CEP192: variants seen among roughly 807,000 people sequenced by gnomAD.
CEP192 encodes the protein centrosomal protein 192, also known as centrosomal protein of 192 kDa.
Under a neutral mutation model 271.8 loss-of-function variants are expected in CEP192, and 151 were observed. The observed-to-expected ratio is 0.56, with a 90% confidence interval of 0.49 to 0.64. CEP192 has a LOEUF of 0.64. CEP192 is among the 30% of genes least tolerant of loss of function. The pLI is 0.00. For synonymous variants in CEP192, 995 were observed against 1,076.5 expected (o/e 0.92, Z 1.48); for missense variants, 2,910 against 3,020.5 (o/e 0.96, Z 0.86).
chr18:13,071,321 A>G (rs557813088), intron 28 of CEP192, 109 bp downstream of exon 28: 13 of 905,282 alleles, frequency 1.4e-5, no homozygotes, highest in Non-Finnish European at 2.2e-5. Flanking sequence ...CTTCAGGCTC[A>G]ATTGTGCAGA....
intron 21 of CEP192, among the ~76,000 whole-genome samples, chr18:13,065,789 C>T (rs1206268279): frequency 6.6e-6 from 1 of 152,136 alleles, no homozygotes; most frequent in Non-Finnish European, 1.5e-5. Flanking sequence ...ATATAACATC[C>T]AAAACATGAG....
intron 21 of CEP192, among the ~76,000 whole-genome samples, chr18:13,059,866 G>A: frequency 6.6e-6 from 1 of 152,064 alleles, no homozygotes; most frequent in Non-Finnish European, 1.5e-5. Context: ...GGGAGGGTGT[G>A]GCTGCCTCTC....
intron 9 of CEP192, among the ~76,000 whole-genome samples, chr18:13,023,098 G>A (rs1488915911): frequency 1.3e-5 from 2 of 152,092 alleles, no homozygotes; most frequent in African/African-American, 4.8e-5. Flanking sequence ...TTTCTGCATA[G>A]ATAATCATGT....
At position 13,071,134 on chromosome 18, in the gene CEP192, G is replaced by A. The variant is rs2037989695; in HGVS notation, c.5270G>A (p.Gly1757Glu). 1.2e-6 allele frequency: 2 copies of A among 1,614,000 alleles called. No individual in the cohort carries two copies. The highest frequency in any genetic ancestry group is 2.2e-5 in the South Asian group (2 of 91,084). The change falls in exon 28 of 45, where the codon GGA becomes GAA. Residue 1757 changes from glycine to glutamate, a missense_variant. Physicochemically the swap from Gly to Glu is moderately conservative, Grantham distance 98. Coordinates refer to ENST00000506447, the MANE Select transcript of CEP192 (RefSeq NM_032142.4). The stretch of plus-strand genomic sequence containing the variant: ...TCAGGAAGTAAACCTCTGTCACCTG[G>A]ACCTTGCTTAGATATTCCATCGATT... ...ISSGSKPLSP[G>E]PCLDIPSILS...
intron 27 of CEP192, among the ~76,000 whole-genome samples, chr18:13,070,680 G>A (rs1041963698): frequency 5.9e-5 from 9 of 152,196 alleles, no homozygotes; most frequent in African/African-American, 2.2e-4. Flanking sequence ...TGCTCAGTCT[G>A]TTCTTGTGAC....
chr18:13,069,307 G>T, intron 26 of CEP192, 126 bp downstream of exon 26: 1 of 754,518 alleles, frequency 1.3e-6, no homozygotes, highest in Non-Finnish European at 2.2e-6. Context: ...TGAAAGAATC[G>T]CTGAGAGTTT....
intron 13 of CEP192, among the ~76,000 whole-genome samples, chr18:13,038,922 A>T (rs1016570932): frequency 6.6e-6 from 1 of 152,174 alleles, no homozygotes; most frequent in African/African-American, 2.4e-5. Flanking sequence ...TGCTGTTGTT[A>T]TTGTTGGTTG....
chr18:13,003,163 T>G (rs922049874), intron 3 of CEP192, among the ~76,000 whole-genome samples: 4 of 152,130 alleles, frequency 2.6e-5, no homozygotes, highest in Admixed American at 6.5e-5. Flanking sequence ...ACATAAGATA[T>G]GAGCCAAGGG....
At chr18:13,069,055 T>G (rs1192843937) in intron 25 of CEP192, 34 bp from the exon 26 acceptor site, 2 of 1,613,948 alleles carry the variant, frequency 1.2e-6, no homozygotes, top group South Asian at 1.1e-5. Flanking sequence ...TTTGTGACAG[T>G]TCGTTGAAAT....
In CEP192 at chr18:13,040,991, T is replaced by A. The variant is rs771973586; in HGVS notation, c.1936+35T>A. 14 of 1,575,324 alleles carry A rather than the reference T, an allele frequency of 8.9e-6. No homozygotes were observed. In the African/African-American group the frequency reaches 1.8e-4, roughly 20 times the overall value. On this transcript the variant is annotated intron_variant, in intron 14 of 44. Transcript: ENST00000506447. ...TCAATGAAGGGGCTTTTAGGAATCT[T>A]TTTTTTCTTAAATGCGTAACTTAGG...
intron 20 of CEP192, 170 bp downstream of exon 20, chr18:13,057,903 A>G (rs2037201564): frequency 2.3e-6 from 1 of 426,802 alleles, no homozygotes. Context: ...TGTAGAGTGT[A>G]AAGTGAAACA....
Position 13,040,835 on chromosome 18 carries a change from A to G in CEP192, c.1815A>G (p.Ser605=). 6.3e-7 allele frequency: 1 copy of G among 1,580,670 alleles called. No individual in the cohort carries two copies. ...TACCTTTAATTATTTTGTAGCCATC[A>G]TTTGGCTATTTTATTAGATCACCAG... ...LGGGNNVKRP[S]FGYFIRSPEK... Residue 605 remains serine, a synonymous_variant, in exon 14 of 45, where the codon TCA becomes TCG. Transcript: ENST00000506447.
intron 30 of CEP192, among the ~76,000 whole-genome samples, chr18:13,076,722 G>A (rs940448489): frequency 2.0e-5 from 3 of 152,146 alleles, no homozygotes; most frequent in Admixed American, 2.0e-4. Context: ...ACTACCAGAG[G>A]TCACTTTGAG....
intron 4 of CEP192, among the ~76,000 whole-genome samples, chr18:13,012,115 G>A (rs750853649): frequency 2.6e-5 from 4 of 152,136 alleles, no homozygotes; most frequent in East Asian, 1.9e-4. Flanking sequence ...GGCAAATAAC[G>A]GAAAGTAAAT....
In CEP192 at chr18:13,008,895, A is replaced by G. The variant is rs139221980; in HGVS notation, c.466+264A>G. Among the ~76,000 whole-genome samples the G allele has an allele frequency of 4.2e-3, 636 of 151,818 alleles. 5 individuals are homozygous for G. Among genetic ancestry groups the G allele is most frequent in the African/African-American group, 0.014 (587 of 41,388 alleles). Reference sequence around the variant, plus strand: ...CTAACTTTTTGTGTTTTTAATAGAGACAGGGTTTCGCCATGTTGCCCAGGC... The same window carrying G: ...CTAACTTTTTGTGTTTTTAATAGAGGCAGGGTTTCGCCATGTTGCCCAGGC... On this transcript the variant is annotated intron_variant, in intron 4 of 44. Transcript: ENST00000506447.
At chr18:13,097,880 G>A (rs527358369) in intron 36 of CEP192, among the ~76,000 whole-genome samples, 7 of 152,122 alleles carry the variant, frequency 4.6e-5, no homozygotes, top group Non-Finnish European at 7.3e-5. Flanking sequence ...CATCTGTTTA[G>A]CAAAGCACAT....
intron 9 of CEP192, among the ~76,000 whole-genome samples, chr18:13,025,838 C>T (rs775539585): frequency 1.3e-5 from 2 of 152,062 alleles, no homozygotes. Context: ...TATACATACA[C>T]GTAAGCATAC....
intron 3 of CEP192, among the ~76,000 whole-genome samples, chr18:13,008,168 A>C (rs1362730476): frequency 6.6e-6 from 1 of 152,240 alleles, no homozygotes; most frequent in Non-Finnish European, 1.5e-5. Flanking sequence ...AGTTTCAAGG[A>C]TACTTATTTT....
At chr18:13,006,929 A>G (rs1484896503) in intron 3 of CEP192, among the ~76,000 whole-genome samples, 1 of 152,070 alleles carries the variant, frequency 6.6e-6, no homozygotes, top group African/African-American at 2.4e-5. Flanking sequence ...TCGTGTGTGC[A>G]TGGCTGTTGT....
Sources: allele counts gnomAD v4.1 joint callset (sites outside exome capture counted in the v4.1 genomes callset), GRCh38; gene constraint gnomAD v4.1.1; transcripts MANE v1.5; gene names NCBI Gene and HGNC (gene_info 2026-07-23, HGNC 2026-07-21).